The following RNASEH1 variants were observed in gnomAD, a reference collection of about 807,000 sequenced individuals.
The protein encoded by RNASEH1 is ribonuclease H type II.
Under a neutral mutation model 34.6 loss-of-function variants are expected in RNASEH1, and 27 were observed. That is an observed-to-expected ratio of 0.78 (90% confidence interval 0.58 to 1.08). The LOEUF (loss-of-function observed/expected upper bound fraction) is 1.08, where lower values mean the gene tolerates loss of function less well. Among genes scored for constraint, RNASEH1 ranks in the 50% least tolerant of loss-of-function variants. The pLI is 0.00. For missense variants in RNASEH1, 349 were observed against 373.6 expected (o/e 0.93, Z 0.54); for synonymous variants, 162 against 138.4 (o/e 1.17, Z -1.20).
At chr2:3,552,075 G>A in intron 3 of RNASEH1, 69 bp downstream of exon 3, 2 of 1,349,396 alleles carry the variant, frequency 1.5e-6, no homozygotes, top group Non-Finnish European at 2.0e-6. Context: ...CATCAAGTGG[G>A]AAACACCTTT....
intron 2 of RNASEH1, among the ~76,000 whole-genome samples, chr2:3,553,626 T>C (rs1349276579): frequency 2.0e-5 from 3 of 152,058 alleles, no homozygotes; most frequent in African/African-American, 7.2e-5. Flanking sequence ...CTCCTGACCT[T>C]GTGATCCACT....
chr2:3,545,775 G>A lies in RNASEH1; in HGVS notation c.*10C>T, dbSNP rs745597927. 32 of 1,602,856 alleles carry A rather than the reference G, an allele frequency of 2.0e-5. No individual in the cohort carries two copies. The highest frequency in any genetic ancestry group is 2.6e-5 in the Non-Finnish European group (30 of 1,169,792). ...GGCTCAAGTTCTCCCAAGGACTAAAGTCACATGGCTCAGTCTTCCGATTGT... is the reference window on the plus strand; with the variant it reads ...GGCTCAAGTTCTCCCAAGGACTAAAATCACATGGCTCAGTCTTCCGATTGT... On this transcript the variant is annotated 3_prime_UTR_variant, in exon 8 of 8. Transcript: ENST00000315212.
chr2:3,538,520 T>G (rs1054671430), downstream of RNASEH1, among the ~76,000 whole-genome samples: 1 of 152,176 alleles, frequency 6.6e-6, no homozygotes, highest in Non-Finnish European at 1.5e-5. Flanking sequence ...TTATCCTCTT[T>G]GACACAAAAG....
At chr2:3,532,273 T>G in the RNASEH1 span, 1 of 702,268 alleles carries the variant, frequency 1.4e-6, no homozygotes, top group East Asian at 2.7e-5. Context: ...CTCCTCCCGT[T>G]TGACAAAGAA....
chr2:3,554,584 A>G (rs1660304765), intron 2 of RNASEH1, among the ~76,000 whole-genome samples: 1 of 152,254 alleles, frequency 6.6e-6, no homozygotes, highest in Admixed American at 6.5e-5. Context: ...CTAAATCTCA[A>G]TTTATAGACG....
intron 4 of RNASEH1, chr2:3,550,102 CACT>C: frequency 2.5e-6 from 1 of 392,414 alleles, no homozygotes. Flanking sequence ...GTGTTTGTGC[CACT>C]GTACTCCATC....
At position 3,541,920 on chromosome 2, in the gene RNASEH1, A is replaced by C. The variant is rs562872136; in HGVS notation, c.*3865T>G. Among the ~76,000 whole-genome samples, 3 of 152,242 alleles carry C rather than the reference A, an allele frequency of 2.0e-5. No individual in the cohort carries two copies. The highest frequency in any genetic ancestry group is 4.4e-5 in the Non-Finnish European group (3 of 68,044). The stretch of plus-strand genomic sequence containing the variant: ...GTAATCCCAGCACTTTGGGAGGCCA[A>C]GGAAGGAGGATCGCTTGAGGCCAGG... On this transcript the variant is annotated 3_prime_UTR_variant, in exon 8 of 8. Coordinates refer to ENST00000315212, the MANE Select transcript of RNASEH1 (RefSeq NM_002936.6).
At chr2:3,551,888 C>T (rs541501711) in intron 3 of RNASEH1, among the ~76,000 whole-genome samples, 1 of 152,328 alleles carries the variant, frequency 6.6e-6, no homozygotes, top group East Asian at 1.9e-4. Flanking sequence ...GTACTGCATG[C>T]ACAGGGAATA....
At chr2:3,546,995 T>G (rs1056810265) in intron 7 of RNASEH1, among the ~76,000 whole-genome samples, 1 of 152,168 alleles carries the variant, frequency 6.6e-6, no homozygotes. Context: ...TGGTGGCATA[T>G]GCCTGTAATC....
intron 7 of RNASEH1, among the ~76,000 whole-genome samples, chr2:3,546,817 C>A (rs943134799): frequency 6.6e-6 from 1 of 152,158 alleles, no homozygotes; most frequent in African/African-American, 2.4e-5. Context: ...TAGTTGTAAA[C>A]CTTTTTGTCA....
chr2:3,538,432 C>T (rs1408731581), downstream of RNASEH1, among the ~76,000 whole-genome samples: 1 of 151,968 alleles, frequency 6.6e-6, no homozygotes, highest in Admixed American at 6.6e-5. Context: ...GTCTCATTAC[C>T]GCCCTGTTCC....
chr2:3,547,901 C>G (rs1393231756), intron 7 of RNASEH1, 30 bp downstream of exon 7: 2 of 1,609,936 alleles, frequency 1.2e-6, no homozygotes, highest in Non-Finnish European at 1.7e-6. Context: ...GTCATAATGG[C>G]CATAGGACAT....
chr2:3,553,927 G>T (rs1268183945), intron 2 of RNASEH1, among the ~76,000 whole-genome samples: 1 of 152,178 alleles, frequency 6.6e-6, no homozygotes, highest in Non-Finnish European at 1.5e-5. Flanking sequence ...TTCCTTACAT[G>T]GAGTGAAAAT....
intron 1 of RNASEH1, 103 bp downstream of exon 1, chr2:3,558,028 GCA>G (rs1183202360): frequency 1.2e-5 from 18 of 1,480,228 alleles, no homozygotes; most frequent in African/African-American, 4.3e-5. Flanking sequence ...ACAGCGCGCG[GCA>G]CAGACTCGGA....
At chr2:3,556,206 C>T (rs952483864) in intron 2 of RNASEH1, among the ~76,000 whole-genome samples, 2 of 151,612 alleles carry the variant, frequency 1.3e-5, no homozygotes, top group Non-Finnish European at 2.9e-5. Flanking sequence ...GATTGTGTGA[C>T]TCTGTTCTCA....
Position 3,543,430 on chromosome 2 carries a change from G to C in RNASEH1, c.*2355C>G, listed in dbSNP as rs1173981206. ...GAGCATCTTGACATGCCAGGCTGCA[G>C]GGAGCTATCAATGACTGTGCGTGTG... is the stretch of plus-strand genomic sequence containing the variant. On this transcript the variant is annotated 3_prime_UTR_variant, in exon 8 of 8. Coordinates refer to ENST00000315212, the MANE Select transcript of RNASEH1 (RefSeq NM_002936.6). Among the ~76,000 whole-genome samples, 3 of 152,104 alleles carry C rather than the reference G, an allele frequency of 2.0e-5. No homozygotes were observed. The highest frequency in any genetic ancestry group is 4.4e-5 in the Non-Finnish European group (3 of 68,024).
At position 3,552,267 on chromosome 2, in the gene RNASEH1, T is replaced by C. The variant is rs138292342; in HGVS notation, c.286A>G (p.Ser96Gly). ...TCCAGTGGCTCACGGAGTCGCTTGC[T>C]GGCTTTCGCCTCCGATTCTTGTCCA... is the stretch of plus-strand genomic sequence containing the variant. ...QHGQESEAKA[S>G]KRLREPLDGD... Residue 96 changes from serine (S) to glycine (G), a missense_variant, in exon 3 of 8, where the codon AGC (serine) becomes GGC (glycine). Physicochemically the swap from Ser to Gly is moderately conservative, Grantham distance 56. Transcript: ENST00000315212. 3 of 1,614,026 alleles carry C rather than the reference T, an allele frequency of 1.9e-6. No homozygotes were observed. The African/African-American group carries it at 4.0e-5, about 22-fold the overall frequency.
At position 3,558,182 on chromosome 2, in the gene RNASEH1, T is replaced by C. The variant is rs765771484; in HGVS notation, c.79A>G (p.Met27Val). 1 of 1,602,528 alleles carries C rather than the reference T, an allele frequency of 6.2e-7. No individual in the cohort carries two copies. Among genetic ancestry groups the C allele is most frequent in the Non-Finnish European group, 8.5e-7 (1 of 1,176,254 alleles). Residue 27 changes from methionine to valine, a missense_variant, in exon 1 of 8, where the codon ATG becomes GTG. Transcript: ENST00000315212. ...PCRRGSRGFG[M>V]FYAVRRGRKT... ...CGGCCCCTCCTCACGGCATAGAACATCCCGAACCCGCGAGAGCCGCGGCGG... is the reference window on the plus strand; with the variant it reads ...CGGCCCCTCCTCACGGCATAGAACACCCCGAACCCGCGAGAGCCGCGGCGG...
chr2:3,536,910 C>T (rs1668017084), downstream of RNASEH1: 1 of 152,248 alleles, frequency 6.6e-6, no homozygotes, highest in African/African-American at 2.4e-5. Context: ...GGGAGAGTGC[C>T]CCTGCAGGCA....
Sources: allele counts gnomAD v4.1 joint callset (sites outside exome capture counted in the v4.1 genomes callset), GRCh38; gene constraint gnomAD v4.1.1; transcripts MANE v1.5; gene names NCBI Gene and HGNC (gene_info 2026-07-23, HGNC 2026-07-21).